The following INPP4B variants were observed in gnomAD, a reference collection of about 807,000 sequenced individuals.
INPP4B encodes inositol polyphosphate 4-phosphatase type II.
A neutral mutation model predicts 122.5 loss-of-function variants in INPP4B; 55 were observed. The observed-to-expected ratio is 0.45, with a 90% CI of 0.36 to 0.56. The LOEUF (loss-of-function observed/expected upper bound fraction) is 0.56. INPP4B is among the 20% of genes least tolerant of loss of function. INPP4B has a pLI of 0.00. For synonymous variants in INPP4B, 403 were observed against 388.7 expected (o/e 1.04, Z -0.43); for missense variants, 1,000 against 1,097.7 (o/e 0.91, Z 1.26).
At chr4:142,448,231 G>A (rs1238348349) in intron 3 of INPP4B, among the ~76,000 whole-genome samples, 1 of 148,272 alleles carries the variant, frequency 6.7e-6, no homozygotes, top group East Asian at 2.1e-4. Flanking sequence ...TGGAGTGCTG[G>A]ATGCTTGATG....
chr4:142,030,655 G>A (rs1341227906), intron 25 of INPP4B, among the ~76,000 whole-genome samples: 1 of 152,110 alleles, frequency 6.6e-6, no homozygotes, highest in Non-Finnish European at 1.5e-5. Flanking sequence ...ACATGGATTA[G>A]CTCATGAAAA....
intron 9 of INPP4B, among the ~76,000 whole-genome samples, chr4:142,291,443 G>A (rs1227672055): frequency 6.6e-6 from 1 of 152,048 alleles, no homozygotes; most frequent in Non-Finnish European, 1.5e-5. Flanking sequence ...TAATGTACAC[G>A]GCCATCGACA....
intron 7 of INPP4B, among the ~76,000 whole-genome samples, chr4:142,338,624 T>A (rs1188413095): frequency 3.9e-5 from 6 of 152,212 alleles, no homozygotes; most frequent in Non-Finnish European, 7.3e-5. Context: ...CTTTTGTTTT[T>A]CCTGCCTTTC....
At chr4:142,641,407 T>C (rs534673735) in intron 2 of INPP4B, among the ~76,000 whole-genome samples, 312 of 151,834 alleles carry the variant, frequency 2.1e-3, no homozygotes, top group African/African-American at 6.9e-3. Flanking sequence ...CACCTAATGC[T>C]ATCCCTACCC....
chr4:142,644,767 A>AAAT (rs869091965), intron 2 of INPP4B, among the ~76,000 whole-genome samples: 1 of 146,242 alleles, frequency 6.8e-6, no homozygotes, highest in Non-Finnish European at 1.5e-5. Flanking sequence ...AAAAAAAAAA[A>AAAT]TTGGCACAGT....
At chr4:142,520,918 A>T (rs1309456030) in intron 2 of INPP4B, among the ~76,000 whole-genome samples, 1 of 151,944 alleles carries the variant, frequency 6.6e-6, no homozygotes, top group Admixed American at 6.6e-5. Flanking sequence ...TGACCTTATG[A>T]TCTTTGTGTT....
At chr4:142,055,978 T>TG (rs1757460287) in intron 25 of INPP4B, among the ~76,000 whole-genome samples, 2 of 151,858 alleles carry the variant, frequency 1.3e-5, no homozygotes, top group African/African-American at 4.8e-5. Context: ...TGGTCACATC[T>TG]GGGGGTGATG....
intron 7 of INPP4B, chr4:142,384,232 T>G (rs1795178180): frequency 1.5e-6 from 1 of 656,158 alleles, no homozygotes; most frequent in African/African-American, 1.8e-5. Flanking sequence ...AAAACAGGTA[T>G]TAACTCAATT....
At chr4:142,569,276 A>T (rs1259553186) in intron 2 of INPP4B, among the ~76,000 whole-genome samples, 1 of 151,798 alleles carries the variant, frequency 6.6e-6, no homozygotes, top group Non-Finnish European at 1.5e-5. Flanking sequence ...AATATCTACC[A>T]CTGCAAATAA....
chr4:142,564,439 C>CAAA (rs199803105), intron 2 of INPP4B, among the ~76,000 whole-genome samples: 1,449 of 97,880 alleles, frequency 0.015, 63 homozygotes, highest in African/African-American at 0.055. Context: ...TAAGGAATGG[C>CAAA]AAAAAAAAAA....
intron 5 of INPP4B, among the ~76,000 whole-genome samples, chr4:142,424,505 C>A (rs1360735397): frequency 6.6e-6 from 1 of 152,042 alleles, no homozygotes; most frequent in Non-Finnish European, 1.5e-5. Context: ...GATACACACA[C>A]CTTCCAATCT....
At chr4:142,399,884 C>T (rs1043064828) in intron 7 of INPP4B, among the ~76,000 whole-genome samples, 3 of 152,210 alleles carry the variant, frequency 2.0e-5, no homozygotes, top group Admixed American at 6.5e-5. Context: ...ATTCTGTATC[C>T]GTCTGCCAAC....
intron 22 of INPP4B, among the ~76,000 whole-genome samples, chr4:142,111,063 A>AAT (rs1225475908): frequency 3.3e-5 from 5 of 152,030 alleles, no homozygotes; most frequent in East Asian, 1.9e-4. Flanking sequence ...TGCTGAGACA[A>AAT]ATATATATAT....
rs190378500 is a variant in INPP4B, at chr4:142,535,911, G to C, written c.-190-73185C>G. On this transcript the variant is annotated intron_variant, in intron 2 of 25. Coordinates refer to ENST00000262992, the MANE Select transcript of INPP4B (RefSeq NM_001101669.3). ...GTTCCCTCTAGAACATTTCCAACTG[G>C]ATGTCCCATCCTTTTCTCAGACTCC... Among the ~76,000 whole-genome samples, 11 of 152,122 alleles carry C rather than the reference G, an allele frequency of 7.2e-5. No homozygotes were observed. The East Asian group carries it at 2.1e-3, about 29-fold the overall frequency.
chr4:142,554,621 G>A (rs1728753551), intron 2 of INPP4B, among the ~76,000 whole-genome samples: 1 of 151,968 alleles, frequency 6.6e-6, no homozygotes, highest in African/African-American at 2.4e-5. Context: ...TCATACCCTG[G>A]GCTCTACCCA....
chr4:142,162,237 A>G (rs1820503222), intron 16 of INPP4B, among the ~76,000 whole-genome samples: 1 of 151,476 alleles, frequency 6.6e-6, no homozygotes, highest in Non-Finnish European at 1.5e-5. Flanking sequence ...ACAAAATAAA[A>G]AGCAGTTTAT....
intron 2 of INPP4B, among the ~76,000 whole-genome samples, chr4:142,584,092 T>C (rs558090001): frequency 1.3e-5 from 2 of 152,154 alleles, no homozygotes; most frequent in South Asian, 2.1e-4. Context: ...TCTCCTTTTA[T>C]AACAGGGAAC....
At position 142,253,839 on chromosome 4, in the gene INPP4B, C is replaced by G. The variant is rs552757624; in HGVS notation, c.688+6653G>C. On this transcript the variant is annotated intron_variant, in intron 11 of 25. Transcript: ENST00000262992. The stretch of plus-strand genomic sequence containing the variant: ...ACAAAGCAGCCAGGAAGCTCGAACT[C>G]GGTGGAGCCCACCACAGCTCAAGGA... 1.4e-3 allele frequency among the ~76,000 whole-genome samples: 217 copies of G among 152,286 alleles called. 1 individual carries two copies. Among genetic ancestry groups the G allele is most frequent in the African/African-American group, 4.9e-3 (202 of 41,580 alleles).
At chr4:142,449,590 T>C (rs1813696671) in intron 3 of INPP4B, among the ~76,000 whole-genome samples, 1 of 151,834 alleles carries the variant, frequency 6.6e-6, no homozygotes, top group Non-Finnish European at 1.5e-5. Flanking sequence ...TAATCCCAGC[T>C]ACTTGCGAGG....
Sources: gnomAD v4.1 joint callset for allele counts (sites outside exome capture counted in the v4.1 genomes callset) on GRCh38, gnomAD v4.1.1 for gene constraint, MANE v1.5 for transcripts, NCBI Gene and HGNC (gene_info 2026-07-23, HGNC 2026-07-21) for gene names.